The following EXOC6B variants were observed in gnomAD, a reference collection of about 807,000 sequenced individuals.
EXOC6B encodes the protein SEC15 homolog B.
In EXOC6B, 54 loss-of-function variants were observed where a neutral mutation model predicts 113.5. The ratio of observed to expected loss-of-function variants is 0.48; its 90% CI spans 0.38 to 0.60. The LOEUF is 0.60. Ranked by LOEUF, EXOC6B falls within the 20% of genes least tolerant of loss-of-function variation. The pLI is 0.00. For synonymous variants in EXOC6B, 357 were observed against 339.0 expected (o/e 1.05, Z -0.58); for missense variants, 797 against 977.5 (o/e 0.82, Z 2.46).
At chr2:72,228,395 CT>C (rs1226541956) in intron 20 of EXOC6B, among the ~76,000 whole-genome samples, 1 of 151,580 alleles carries the variant, frequency 6.6e-6, no homozygotes, top group African/African-American at 2.4e-5. Context: ...TTAGGTATAT[CT>C]CCTAATGCTA....
At chr2:72,447,006 A>G (rs1195846942) in intron 18 of EXOC6B, among the ~76,000 whole-genome samples, 1 of 152,040 alleles carries the variant, frequency 6.6e-6, no homozygotes, top group African/African-American at 2.4e-5. Flanking sequence ...CAGGAGGCTG[A>G]GGCAGGAGAA....
intron 15 of EXOC6B, among the ~76,000 whole-genome samples, chr2:72,492,664 G>GTTTTTTTTTTT (rs34091533): frequency 6.7e-6 from 1 of 149,636 alleles, no homozygotes. Flanking sequence ...AATTCTGGCT[G>GTTTTTTTTTTT]TTTTTTTTTC....
chr2:72,603,654 C>G (rs974142136), intron 6 of EXOC6B, among the ~76,000 whole-genome samples: 1 of 152,154 alleles, frequency 6.6e-6, no homozygotes, highest in South Asian at 2.1e-4. Context: ...TACCTATCTG[C>G]TGGTAAGAAA....
At chr2:72,206,079 G>A (rs1243803981) in intron 20 of EXOC6B, among the ~76,000 whole-genome samples, 1 of 152,210 alleles carries the variant, frequency 6.6e-6, no homozygotes, top group Non-Finnish European at 1.5e-5. Context: ...CAAGCCAGAT[G>A]GGCCAGGTAT....
intron 6 of EXOC6B, among the ~76,000 whole-genome samples, chr2:72,576,637 G>A (rs1053937960): frequency 6.6e-6 from 1 of 152,014 alleles, no homozygotes; most frequent in Non-Finnish European, 1.5e-5. Context: ...TCCCAAAAAT[G>A]AGTTGTGGTC....
chr2:72,409,121 T>C (rs371536884), intron 18 of EXOC6B, among the ~76,000 whole-genome samples: 11,350 of 152,090 alleles, frequency 0.075, 492 homozygotes, highest in Non-Finnish European at 0.11. Context: ...AAAAAATGCT[T>C]ATCATCACTG....
chr2:72,277,111 A>C (rs1684851725), intron 20 of EXOC6B, among the ~76,000 whole-genome samples: 1 of 152,174 alleles, frequency 6.6e-6, no homozygotes, highest in Non-Finnish European at 1.5e-5. Context: ...GGTTGCTGCA[A>C]GACCATAAAG....
chr2:72,324,546 T>C (rs1047028186), intron 20 of EXOC6B, among the ~76,000 whole-genome samples: 1 of 152,232 alleles, frequency 6.6e-6, no homozygotes, highest in Non-Finnish European at 1.5e-5. Flanking sequence ...ATTAATTAAA[T>C]GCTTACCGAA....
intron 18 of EXOC6B, among the ~76,000 whole-genome samples, chr2:72,401,298 C>T (rs1330086845): frequency 2.0e-5 from 3 of 149,466 alleles, no homozygotes; most frequent in Non-Finnish European, 3.0e-5. Context: ...CTCATCTCTA[C>T]TAAAAATACA....
intron 1 of EXOC6B, among the ~76,000 whole-genome samples, chr2:72,787,946 A>C (rs1365685169): frequency 1.3e-5 from 2 of 152,228 alleles, no homozygotes; most frequent in Non-Finnish European, 2.9e-5. Context: ...AGAGACATGA[A>C]TAAAAGACTT....
chr2:72,373,105 C>T (rs1424340747), intron 19 of EXOC6B, among the ~76,000 whole-genome samples: 1 of 148,128 alleles, frequency 6.8e-6, no homozygotes, highest in African/African-American at 2.5e-5. Flanking sequence ...CGCTGCAATG[C>T]CCAGGCTGGA....
At chr2:72,472,613 A>C (rs936088440) in intron 17 of EXOC6B, among the ~76,000 whole-genome samples, 2 of 151,920 alleles carry the variant, frequency 1.3e-5, no homozygotes, top group Non-Finnish European at 2.9e-5. Context: ...TAGTCTAGCT[A>C]GTGGTTGTTA....
chr2:72,447,526 T>C (rs1696660880), intron 18 of EXOC6B, among the ~76,000 whole-genome samples: 3 of 152,222 alleles, frequency 2.0e-5, no homozygotes. Context: ...CTCCAGTATA[T>C]TGACATCATT....
At chr2:72,243,224 C>T (rs529530799) in intron 20 of EXOC6B, among the ~76,000 whole-genome samples, 2 of 152,118 alleles carry the variant, frequency 1.3e-5, no homozygotes, top group East Asian at 3.9e-4. Flanking sequence ...ATCATTTGAC[C>T]CAGAGATTTC....
Position 72,671,875 on chromosome 2 carries a change from T to TGAAG in EXOC6B, c.669+46224_669+46227dup, listed in dbSNP as rs372393725. 4.7e-4 allele frequency among the ~76,000 whole-genome samples: 38 copies of TGAAG among 80,230 alleles called. 2 individuals carry two copies. The highest frequency in any genetic ancestry group is 1.4e-3 in the Admixed American group (10 of 7,072). The allele number at this position is 80,230 out of a possible 152,430, so 52.6% of individuals were successfully genotyped here. A position where few individuals can be genotyped will look rare whatever the true frequency, so the allele number is the denominator to read the frequency against. On this transcript the variant is annotated intron_variant, in intron 6 of 21. Coordinates refer to ENST00000272427, the MANE Select transcript of EXOC6B (RefSeq NM_015189.3). ...GAGGAAGAAGGAAGGAAGAAAGGAA[T>TGAAG]GAAGGAAGGAAGGAAGGAAAAGAAA...
rs139183005 is a variant in EXOC6B, at chr2:72,181,025, C to T, written c.2310-1564G>A. On this transcript the variant is annotated intron_variant, in intron 21 of 21. Coordinates refer to ENST00000272427, the MANE Select transcript of EXOC6B (RefSeq NM_015189.3). ...GAGATCAAGACCATCCTGACTAACA[C>T]GGTGAAACCCCATCTCTACTAAAAA... Among the ~76,000 whole-genome samples, 697 of 151,940 alleles carry T rather than the reference C, an allele frequency of 4.6e-3. 6 individuals are homozygous for T. Among genetic ancestry groups the T allele is most frequent in the African/African-American group, 0.016 (663 of 41,412 alleles).
chr2:72,375,055 A>G (rs534239287), intron 19 of EXOC6B, among the ~76,000 whole-genome samples: 1 of 152,096 alleles, frequency 6.6e-6, no homozygotes, highest in Admixed American at 6.6e-5. Flanking sequence ...TTTTTTTCAA[A>G]TAAGACATAT....
At chr2:72,362,676 A>G (rs948686925) in intron 19 of EXOC6B, among the ~76,000 whole-genome samples, 2 of 151,988 alleles carry the variant, frequency 1.3e-5, no homozygotes, top group African/African-American at 2.4e-5. Flanking sequence ...TACCAAATCA[A>G]CTCTACCATA....
intron 19 of EXOC6B, among the ~76,000 whole-genome samples, chr2:72,349,688 G>C: frequency 6.6e-6 from 1 of 152,120 alleles, no homozygotes; most frequent in East Asian, 1.9e-4. Context: ...AGCCCTATGT[G>C]TCTCTTCCAT....
Sources: allele counts gnomAD v4.1 joint callset (sites outside exome capture counted in the v4.1 genomes callset), GRCh38; gene constraint gnomAD v4.1.1; transcripts MANE v1.5; gene names NCBI Gene and HGNC (gene_info 2026-07-23, HGNC 2026-07-21).